Variants in SLC14A2 observed in about 807,000 individuals in gnomAD.
SLC14A2 encodes urea transporter 2.
In SLC14A2, 91 loss-of-function variants were observed where a neutral mutation model predicts 104.6. The observed-to-expected ratio is 0.87, with a 90% CI of 0.73 to 1.04. The LOEUF (loss-of-function observed/expected upper bound fraction) is 1.04, where lower values mean the gene tolerates loss of function less well. Among genes scored for constraint, SLC14A2 ranks in the 50% least tolerant of loss-of-function variants. The pLI, the probability that SLC14A2 is intolerant of heterozygous loss-of-function variation, is 0.00. For synonymous variants in SLC14A2, 476 were observed against 466.4 expected (o/e 1.02, Z -0.27); for missense variants, 1,189 against 1,156.0 (o/e 1.03, Z -0.41).
intron 2 of SLC14A2, chr18:45,529,846 A>C (rs149394989): frequency 1.4e-4 from 22 of 152,258 alleles, no homozygotes; most frequent in African/African-American, 5.1e-4. Flanking sequence ...AGTGTCTGGA[A>C]TGGAGTTTCC....
chr18:45,568,323 A>G (rs2044296529), intron 2 of SLC14A2, among the ~76,000 whole-genome samples: 1 of 152,180 alleles, frequency 6.6e-6, no homozygotes. Flanking sequence ...TCCCTACCTC[A>G]TGATTGGAGC....
chr18:45,477,060 T>A (rs1007843624), intron 1 of SLC14A2, among the ~76,000 whole-genome samples: 1 of 152,002 alleles, frequency 6.6e-6, no homozygotes, highest in Non-Finnish European at 1.5e-5. Context: ...AGAAGAGGAG[T>A]TCTGGTTTTT....
rs148475338 is a variant in SLC14A2, at chr18:45,633,994, T to C, written c.650+1516T>C. Among the ~76,000 whole-genome samples, 740 of 152,308 alleles carry C rather than the reference T, an allele frequency of 4.9e-3. 9 individuals are homozygous for C. Among genetic ancestry groups the C allele is most frequent in the African/African-American group, 0.017 (695 of 41,548 alleles). ...GCCCTCATTTGCAATACATTTGGTT[T>C]AAAACTACATAGATTAAGCCCCTCA... On this transcript the variant is annotated intron_variant, in intron 5 of 19. Transcript: ENST00000255226.
intron 1 of SLC14A2, among the ~76,000 whole-genome samples, chr18:45,473,221 G>T (rs2087285674): frequency 6.6e-6 from 1 of 152,140 alleles, no homozygotes; most frequent in African/African-American, 2.4e-5. Context: ...CCTCTGTTCT[G>T]TTCCATTGGT....
At chr18:45,483,932 G>C (rs569000435) in intron 2 of SLC14A2, among the ~76,000 whole-genome samples, 83 of 150,122 alleles carry the variant, frequency 5.5e-4, no homozygotes, top group Non-Finnish European at 1.0e-3. Flanking sequence ...GGGGGAGGAG[G>C]GTAATAGCCT....
chr18:45,338,295 G>T (rs1324901995), intron 1 of SLC14A2, among the ~76,000 whole-genome samples: 1 of 152,114 alleles, frequency 6.6e-6, no homozygotes, highest in Middle Eastern at 3.4e-3. Flanking sequence ...CCGCCTCCTG[G>T]GTTCATGCCA....
intron 1 of SLC14A2, among the ~76,000 whole-genome samples, chr18:45,215,633 G>A (rs1217570409): frequency 1.3e-5 from 2 of 152,200 alleles, no homozygotes; most frequent in African/African-American, 2.4e-5. Context: ...GGAGAGAGAT[G>A]CTCAAACATT....
chr18:45,179,442 A>G, the SLC14A2 span, among the ~76,000 whole-genome samples: 40 of 152,210 alleles, frequency 2.6e-4, 1 homozygote, highest in African/African-American at 5.1e-4. Flanking sequence ...TAGCTCTGGC[A>G]GTTTCTTAAT....
At chr18:45,264,040 G>GCACTAT (rs1358270569) in intron 1 of SLC14A2, among the ~76,000 whole-genome samples, 18 of 152,208 alleles carry the variant, frequency 1.2e-4, no homozygotes, top group Admixed American at 9.8e-4. Context: ...ACAAGCATGT[G>GCACTAT]CACTATCTTT....
chr18:45,407,574 C>T (rs543470356), intron 1 of SLC14A2, among the ~76,000 whole-genome samples: 19 of 152,326 alleles, frequency 1.2e-4, no homozygotes, highest in Middle Eastern at 3.4e-3. Flanking sequence ...CTCAAGAATC[C>T]TAGCTTTCAG....
chr18:45,322,993 A>G (rs560433668), intron 1 of SLC14A2, among the ~76,000 whole-genome samples: 5 of 152,354 alleles, frequency 3.3e-5, no homozygotes, highest in Non-Finnish European at 5.9e-5. Context: ...AGTTGAAATT[A>G]TATTCTTTTC....
the SLC14A2 span, among the ~76,000 whole-genome samples, chr18:45,189,007 T>G: frequency 3.9e-5 from 6 of 152,194 alleles, no homozygotes; most frequent in Non-Finnish European, 8.8e-5. Context: ...TTACATGCAA[T>G]GCAGTGTGCT....
intron 1 of SLC14A2, among the ~76,000 whole-genome samples, chr18:45,349,068 G>A (rs1242775802): frequency 2.0e-5 from 3 of 152,194 alleles, no homozygotes; most frequent in Non-Finnish European, 2.9e-5. Context: ...GACAGCCTGC[G>A]ACAGTGTGTA....
the SLC14A2 span, among the ~76,000 whole-genome samples, chr18:45,201,048 CA>C: frequency 6.6e-6 from 1 of 151,992 alleles, no homozygotes; most frequent in African/African-American, 2.4e-5. Context: ...ATGACCGTAA[CA>C]GTTTTTAGGA....
intron 1 of SLC14A2, among the ~76,000 whole-genome samples, chr18:45,442,167 T>C (rs1376786666): frequency 6.6e-6 from 1 of 152,202 alleles, no homozygotes; most frequent in African/African-American, 2.4e-5. Context: ...CTATGTGGTC[T>C]TGGGCAAGTT....
chr18:45,168,215 T>C, the SLC14A2 span, among the ~76,000 whole-genome samples: 35,146 of 152,106 alleles, frequency 0.23, 4,340 homozygotes, highest in African/African-American at 0.28. Context: ...TAAGGTAACG[T>C]ATAACTGGCA....
At chr18:45,334,647 C>G (rs1036764075) in intron 1 of SLC14A2, among the ~76,000 whole-genome samples, 1 of 152,118 alleles carries the variant, frequency 6.6e-6, no homozygotes, top group Non-Finnish European at 1.5e-5. Context: ...ACCCATTTTG[C>G]CTTGATCTTT....
intron 2 of SLC14A2, among the ~76,000 whole-genome samples, chr18:45,519,299 GA>G (rs2043484079): frequency 6.6e-6 from 1 of 152,078 alleles, no homozygotes; most frequent in East Asian, 1.9e-4. Flanking sequence ...GGTGTGGAAG[GA>G]AAAAAATATC....
chr18:45,174,849 A>G, the SLC14A2 span, among the ~76,000 whole-genome samples: 2 of 152,168 alleles, frequency 1.3e-5, no homozygotes, highest in East Asian at 3.9e-4. Context: ...AGGAAATGCA[A>G]AAGGCTCTTA....
Sources: gnomAD v4.1 joint callset for allele counts (sites outside exome capture counted in the v4.1 genomes callset) on GRCh38, gnomAD v4.1.1 for gene constraint, MANE v1.5 for transcripts, NCBI Gene and HGNC (gene_info 2026-07-23, HGNC 2026-07-21) for gene names.